Variants in PRKCA observed in about 807,000 individuals in gnomAD.
PRKCA encodes protein kinase C alpha.
In PRKCA, 27 loss-of-function variants were observed where a neutral mutation model predicts 87.0. That is an observed-to-expected ratio of 0.31 (90% confidence interval 0.23 to 0.43). The LOEUF (loss-of-function observed/expected upper bound fraction) is 0.43, where lower values mean the gene tolerates loss of function less well. PRKCA is among the 20% of genes least tolerant of loss of function. PRKCA has a pLI of 1.00. For synonymous variants in PRKCA, 329 were observed against 311.1 expected, an observed-to-expected ratio of 1.06 and a Z score of -0.61; for missense variants, 518 against 852.3, an observed-to-expected ratio of 0.61 and a Z score of 4.88.
chr17:66,711,218 A>G (rs910300845), intron 8 of PRKCA, among the ~76,000 whole-genome samples: 2 of 152,210 alleles, frequency 1.3e-5, no homozygotes, highest in Admixed American at 1.3e-4. Flanking sequence ...AATATCTTTC[A>G]ATCACATATG....
chr17:66,583,455 T>G (rs1969504203), intron 3 of PRKCA, among the ~76,000 whole-genome samples: 1 of 152,200 alleles, frequency 6.6e-6, no homozygotes, highest in African/African-American at 2.4e-5. Flanking sequence ...CCTTTGAGAA[T>G]TAAAGTGATG....
chr17:66,401,255 C>T (rs923916389), intron 2 of PRKCA, among the ~76,000 whole-genome samples: 4 of 152,102 alleles, frequency 2.6e-5, no homozygotes, highest in Non-Finnish European at 4.4e-5. Context: ...CAGCTTGTGA[C>T]GTGGGATAAA....
At chr17:66,611,468 CTTGTA>C (rs1273320601) in intron 3 of PRKCA, among the ~76,000 whole-genome samples, 1 of 152,112 alleles carries the variant, frequency 6.6e-6, no homozygotes, top group African/African-American at 2.4e-5. Flanking sequence ...TAACTGGCTT[CTTGTA>C]TTGTGTTTTC....
intron 16 of PRKCA, among the ~76,000 whole-genome samples, chr17:66,799,151 G>A (rs1598954957): frequency 3.6e-5 from 1 of 27,856 alleles, no homozygotes; most frequent in African/African-American, 1.4e-4. Flanking sequence ...GGTGACGGTG[G>A]TGGTGGTGGT....
chr17:66,542,414 C>T (rs568904429), intron 3 of PRKCA, among the ~76,000 whole-genome samples: 15 of 152,132 alleles, frequency 9.9e-5, no homozygotes, highest in Non-Finnish European at 2.1e-4. Flanking sequence ...GCATAGAAGT[C>T]GCACATGAGA....
At chr17:66,514,014 T>C (rs186138759) in intron 3 of PRKCA, among the ~76,000 whole-genome samples, 1 of 152,342 alleles carries the variant, frequency 6.6e-6, no homozygotes, top group East Asian at 1.9e-4. Flanking sequence ...TTACTTTTAG[T>C]ATAGTACACT....
intron 8 of PRKCA, among the ~76,000 whole-genome samples, chr17:66,706,966 G>A (rs939517491): frequency 6.6e-6 from 1 of 152,106 alleles, no homozygotes; most frequent in African/African-American, 2.4e-5. Flanking sequence ...TTTGTTGATG[G>A]GGAAACAAAA....
At chr17:66,441,395 C>T (rs75259245) in intron 2 of PRKCA, among the ~76,000 whole-genome samples, 1,567 of 148,734 alleles carry the variant, frequency 0.011, 22 homozygotes, top group African/African-American at 0.037. Flanking sequence ...CTGGCCATCT[C>T]CTCTTTCCTA....
chr17:66,712,608 TCTC>T (rs1973360649), intron 8 of PRKCA, among the ~76,000 whole-genome samples: 1 of 152,058 alleles, frequency 6.6e-6, no homozygotes, highest in African/African-American at 2.4e-5. Flanking sequence ...CCTGTCCCCT[TCTC>T]CTTAAAGACT....
chr17:66,692,179 G>A (rs1024916185), intron 8 of PRKCA, among the ~76,000 whole-genome samples: 3 of 152,186 alleles, frequency 2.0e-5, no homozygotes, highest in Admixed American at 6.5e-5. Context: ...CTGCTCTTCA[G>A]CCTAGTGAGG....
chr17:66,381,775 A>C (rs1909786340), intron 2 of PRKCA, among the ~76,000 whole-genome samples: 1 of 152,144 alleles, frequency 6.6e-6, no homozygotes, highest in Admixed American at 6.6e-5. Context: ...AGCTTCTTTT[A>C]CCATCACTTT....
intron 2 of PRKCA, among the ~76,000 whole-genome samples, chr17:66,395,450 G>T (rs924500515): frequency 1.3e-5 from 2 of 152,132 alleles, no homozygotes; most frequent in African/African-American, 4.8e-5. Context: ...AATCTGGTGT[G>T]TATTTTATAC....
In PRKCA at chr17:66,688,381, A is replaced by G. The variant is rs758455185; in HGVS notation, c.766A>G (p.Met256Val). Residue 256 changes from methionine to valine, a missense_variant, in exon 7 of 17, where the codon ATG becomes GTG. Transcript: ENST00000413366. The stretch of plus-strand genomic sequence containing the variant: ...GGATCGAACAACAAGGAATGACTTC[A>G]TGGGATCCCTTTCCTTTGGAGTTTC... ...DWDRTTRNDFMGSLSFGVSEL... is the reference protein window; with the variant it reads ...DWDRTTRNDFVGSLSFGVSEL... 1 of 1,614,218 alleles carries G rather than the reference A, an allele frequency of 6.2e-7. No homozygotes were observed.
rs546502136 is a variant in PRKCA at position 66,774,346 on chromosome 17, C to T, written c.1605+279C>T. On this transcript the variant is annotated intron_variant, in intron 14 of 16. Coordinates refer to ENST00000413366, the MANE Select transcript of PRKCA (RefSeq NM_002737.3). ...TTATGAAATGTACATGTTGGCCAGGCGCGGTGGCTCATGGCTATAATCCCA... is the reference window on the plus strand; with the variant it reads ...TTATGAAATGTACATGTTGGCCAGGTGCGGTGGCTCATGGCTATAATCCCA... 4.0e-5 allele frequency: 50 copies of T among 1,239,870 alleles called. No homozygotes were observed. The African/African-American group carries it at 4.1e-4, about 10-fold the overall frequency. The allele number at this position is 1,239,870 out of a possible 1,614,324, so 76.8% of individuals were successfully genotyped here.
At chr17:66,586,492 C>G (rs1457080307) in intron 3 of PRKCA, among the ~76,000 whole-genome samples, 1 of 152,198 alleles carries the variant, frequency 6.6e-6, no homozygotes, top group Non-Finnish European at 1.5e-5. Flanking sequence ...AAAATCCTCT[C>G]TCCTTTTATC....
rs2143980420 is a variant in PRKCA at position 66,463,823 on chromosome 17, A to G, written c.206-32378A>G. 2.0e-5 allele frequency among the ~76,000 whole-genome samples: 3 copies of G among 152,304 alleles called. 1 individual carries two copies. The Middle Eastern group carries it at 0.01, about 518-fold the overall frequency. ...GTGCCTGCACAGCATCCCCACTGTC[A>G]TCATCCCTCACCAGAGTGGTCCATT... is the stretch of plus-strand genomic sequence containing the variant. On this transcript the variant is annotated intron_variant, in intron 2 of 16. Coordinates refer to ENST00000413366, the MANE Select transcript of PRKCA (RefSeq NM_002737.3).
At chr17:66,474,170 A>G (rs1179247413) in intron 2 of PRKCA, among the ~76,000 whole-genome samples, 1 of 152,178 alleles carries the variant, frequency 6.6e-6, no homozygotes, top group Non-Finnish European at 1.5e-5. Context: ...CAAGTGACCT[A>G]ACATTATACA....
chr17:66,367,551 T>G (rs547958346), intron 2 of PRKCA, among the ~76,000 whole-genome samples: 1 of 152,348 alleles, frequency 6.6e-6, no homozygotes, highest in Non-Finnish European at 1.5e-5. Flanking sequence ...TTCTCAGCCC[T>G]TCAGAGTCTG....
In PRKCA at chr17:66,548,372, C is replaced by A. The variant is rs573405895; in HGVS notation, c.288+52089C>A. ...GAAAGTCATCTCCTGCCGCCTCCCT[C>A]CCCTCAGAAAATGATTTATAATGTT... On this transcript the variant is annotated intron_variant, in intron 3 of 16. Coordinates refer to ENST00000413366, the MANE Select transcript of PRKCA (RefSeq NM_002737.3). 5.3e-5 allele frequency among the ~76,000 whole-genome samples: 8 copies of A among 152,176 alleles called. No homozygotes were observed. The East Asian group carries it at 1.5e-3, about 29-fold the overall frequency.
Sources: gnomAD v4.1 joint callset for allele counts (sites outside exome capture counted in the v4.1 genomes callset) on GRCh38, gnomAD v4.1.1 for gene constraint, MANE v1.5 for transcripts, NCBI Gene and HGNC (gene_info 2026-07-23, HGNC 2026-07-21) for gene names.